The following SLC44A5 variants were observed in gnomAD, a reference collection of about 807,000 sequenced individuals.
SLC44A5 encodes choline transporter-like protein 5.
In SLC44A5, 57 loss-of-function variants were observed where a neutral mutation model predicts 101.8. That is an observed-to-expected ratio of 0.56 (90% CI 0.45 to 0.70). SLC44A5 has a LOEUF of 0.70. SLC44A5 is among the 30% of genes least tolerant of loss of function. The pLI, the probability that SLC44A5 is intolerant of heterozygous loss-of-function variation, is 0.00. For missense variants in SLC44A5, 737 were observed against 853.1 expected (o/e 0.86, Z 1.70); for synonymous variants, 281 against 290.9 (o/e 0.97, Z 0.35).
intron 2 of SLC44A5, among the ~76,000 whole-genome samples, chr1:75,450,780 A>G (rs1217427092): frequency 6.6e-6 from 1 of 152,192 alleles, no homozygotes; most frequent in Non-Finnish European, 1.5e-5. Context: ...CACCTGGATC[A>G]GCAGCCTGAG....
chr1:75,321,242 A>G (rs1656119115), intron 4 of SLC44A5, among the ~76,000 whole-genome samples: 1 of 152,146 alleles, frequency 6.6e-6, no homozygotes. Flanking sequence ...TTATAGCAGC[A>G]ATCCACTTCT....
intron 3 of SLC44A5, among the ~76,000 whole-genome samples, chr1:75,368,330 G>A (rs951416683): frequency 2.0e-5 from 3 of 152,156 alleles, no homozygotes; most frequent in Admixed American, 6.5e-5. Context: ...ATCCACAGAC[G>A]CTTAAGTCTG....
intron 2 of SLC44A5, among the ~76,000 whole-genome samples, chr1:75,400,724 G>A (rs1388839665): frequency 1.3e-5 from 2 of 152,080 alleles, no homozygotes; most frequent in South Asian, 2.1e-4. Flanking sequence ...CTTGGCTTTG[G>A]CCTGAGGTCC....
At chr1:75,237,173 T>A in intron 10 of SLC44A5, 103 bp from the exon 11 acceptor site, 2 of 641,368 alleles carry the variant, frequency 3.1e-6, no homozygotes, top group Non-Finnish European at 5.5e-6. Flanking sequence ...GTTGAAAGCA[T>A]GTTTTCAGAA....
intron 6 of SLC44A5, among the ~76,000 whole-genome samples, chr1:75,262,178 A>C (rs1478723990): frequency 6.6e-6 from 1 of 152,228 alleles, no homozygotes; most frequent in Non-Finnish European, 1.5e-5. Context: ...TTCAAGTATG[A>C]AAAGAGGAAG....
At chr1:75,657,898 GA>G in the SLC44A5 span, among the ~76,000 whole-genome samples, 1 of 152,078 alleles carries the variant, frequency 6.6e-6, no homozygotes, top group African/African-American at 2.4e-5. Context: ...ACAGGTCATT[GA>G]AACAGAAAAT....
chr1:75,212,718 CACAG>C, intron 22 of SLC44A5, among the ~76,000 whole-genome samples: 1 of 152,150 alleles, frequency 6.6e-6, no homozygotes, highest in Admixed American at 6.6e-5. Flanking sequence ...GGGTTTGAAT[CACAG>C]CTCAGGCACT....
chr1:75,370,199 G>A (rs1234992674), intron 3 of SLC44A5, among the ~76,000 whole-genome samples: 1 of 152,164 alleles, frequency 6.6e-6, no homozygotes, highest in Non-Finnish European at 1.5e-5. Context: ...GTTCTAGGAG[G>A]AAATAAATAA....
At chr1:75,304,931 A>G (rs1476465522) in intron 4 of SLC44A5, among the ~76,000 whole-genome samples, 1 of 152,158 alleles carries the variant, frequency 6.6e-6, no homozygotes, top group Admixed American at 6.5e-5. Flanking sequence ...CTTTCTCAAA[A>G]CAAGCTGCCC....
At chr1:75,485,585 C>T (rs1271581920) in intron 2 of SLC44A5, among the ~76,000 whole-genome samples, 1 of 152,160 alleles carries the variant, frequency 6.6e-6, no homozygotes, top group Non-Finnish European at 1.5e-5. Flanking sequence ...TTCTTCTGAG[C>T]CCTCCAAACT....
chr1:75,448,983 CATGCTCTCTCCCACCACTA>C (rs896841020), intron 2 of SLC44A5, among the ~76,000 whole-genome samples: 1 of 152,084 alleles, frequency 6.6e-6, no homozygotes, highest in African/African-American at 2.4e-5. Flanking sequence ...TCAACCACAG[CATGCTCTCTCCCACCACTA>C]AGATTCTGAA....
chr1:75,375,977 T>C (rs4353040), intron 3 of SLC44A5, among the ~76,000 whole-genome samples: 94,952 of 151,720 alleles, frequency 0.63, 31,199 homozygotes, highest in East Asian at 0.96. Context: ...TCAGTGGGTG[T>C]GTGCACCGTG....
chr1:75,409,752 CAA>C (rs1663152569), intron 2 of SLC44A5, among the ~76,000 whole-genome samples: 2 of 151,904 alleles, frequency 1.3e-5, no homozygotes, highest in African/African-American at 4.8e-5. Flanking sequence ...TATCACTTCC[CAA>C]AACACAATGC....
the SLC44A5 span, among the ~76,000 whole-genome samples, chr1:75,686,482 A>T: frequency 2.6e-5 from 4 of 152,218 alleles, no homozygotes; most frequent in Non-Finnish European, 4.4e-5. Context: ...GCCCTAAAGC[A>T]GGAGTGTTTT....
At chr1:75,688,354 C>T in the SLC44A5 span, among the ~76,000 whole-genome samples, 25 of 152,272 alleles carry the variant, frequency 1.6e-4, no homozygotes, top group African/African-American at 6.0e-4. Flanking sequence ...TTTTTCTCTT[C>T]TGTGCTTCTT....
chr1:75,445,233 C>T (rs564715744), intron 2 of SLC44A5, among the ~76,000 whole-genome samples: 3 of 152,050 alleles, frequency 2.0e-5, no homozygotes, highest in South Asian at 2.1e-4. Context: ...CACGTGAGAG[C>T]GGGTTGTTTA....
the SLC44A5 span, among the ~76,000 whole-genome samples, chr1:75,659,490 AAGGCAGGCAGGCAGGCAGGC>A: frequency 2.5e-3 from 105 of 42,344 alleles, 3 homozygotes; most frequent in African/African-American, 3.1e-3. Flanking sequence ...GGAAGGAAGG[AAGGCAGGCAGGCAGGCAGGC>A]AGGCAGGCAG....
At chr1:75,484,297 C>A (rs1026680830) in intron 2 of SLC44A5, among the ~76,000 whole-genome samples, 2 of 152,210 alleles carry the variant, frequency 1.3e-5, no homozygotes, top group Admixed American at 1.3e-4. Flanking sequence ...GGGGTACAGG[C>A]ATTGGGTAAA....
Position 75,222,410 on chromosome 1 carries a change from G to A in SLC44A5, c.1036C>T (p.Leu346Phe). Residue 346 changes from leucine (L) to phenylalanine (F), a missense_variant, in exon 14 of 24, where the codon CTC becomes TTC. Coordinates refer to ENST00000370859, the MANE Select transcript of SLC44A5 (RefSeq NM_001130058.2). ...ATGGCGACTCGGATTCGATTCCTGAGGAAGATCAGCATGAGGATGACAATC... is the reference window on the plus strand; with the variant it reads ...ATGGCGACTCGGATTCGATTCCTGAAGAAGATCAGCATGAGGATGACAATC... ...EVIVILMLIF[L>F]RNRIRVAIIL... 4 of 1,613,602 alleles carry A rather than the reference G, an allele frequency of 2.5e-6. No homozygotes were observed. Among genetic ancestry groups the A allele is most frequent in the Non-Finnish European group, 3.4e-6 (4 of 1,179,876 alleles).
Sources: allele counts gnomAD v4.1 joint callset (sites outside exome capture counted in the v4.1 genomes callset), GRCh38; gene constraint gnomAD v4.1.1; transcripts MANE v1.5; gene names NCBI Gene and HGNC (gene_info 2026-07-23, HGNC 2026-07-21).